EML6: variants seen among roughly 807,000 people sequenced by gnomAD.
EML6 encodes echinoderm microtubule-associated protein-like 6.
Under a neutral mutation model 240.1 loss-of-function variants are expected in EML6, and 154 were observed. The ratio of observed to expected loss-of-function variants is 0.64; its 90% CI spans 0.56 to 0.73. The LOEUF (loss-of-function observed/expected upper bound fraction) is 0.73. Ranked by LOEUF, EML6 falls within the 30% of genes least tolerant of loss-of-function variation. The probability of loss-of-function intolerance (pLI) is 0.00; values close to 1 mark genes in which losing one functional copy is unlikely to be tolerated. For synonymous variants in EML6, 1,148 were observed against 899.0 expected (o/e 1.28, Z -4.95); for missense variants, 2,964 against 2,474.6 (o/e 1.20, Z -4.20).
intron 11 of EML6, among the ~76,000 whole-genome samples, chr2:54,856,202 A>G (rs905606619): frequency 6.6e-6 from 1 of 152,206 alleles, no homozygotes; most frequent in Non-Finnish European, 1.5e-5. Flanking sequence ...AATAATTAGG[A>G]TCAATACTGA....
At chr2:54,743,707 T>C (rs1189537745) in intron 2 of EML6, among the ~76,000 whole-genome samples, 1 of 152,244 alleles carries the variant, frequency 6.6e-6, no homozygotes, top group African/African-American at 2.4e-5. Context: ...CTTGGTAAAA[T>C]ACTCTTGTGC....
chr2:54,961,238 A>C (rs974420116), intron 35 of EML6, among the ~76,000 whole-genome samples: 8 of 112,588 alleles, frequency 7.1e-5, no homozygotes. Context: ...CAGGGGGAGT[A>C]CTGTGGCATG....
At chr2:54,919,394 C>T (rs2104338856) in intron 26 of EML6, among the ~76,000 whole-genome samples, 2 of 152,282 alleles carry the variant, frequency 1.3e-5, no homozygotes, top group South Asian at 4.1e-4. Context: ...TAGCAGTTAC[C>T]TCTATGGCCA....
In EML6 at chr2:54,970,343, A is replaced by C. The variant is rs976862377; in HGVS notation, c.*248A>C. The C allele has an allele frequency of 5.3e-6, 3 of 566,472 alleles. No individual in the cohort carries two copies. Among genetic ancestry groups the C allele is most frequent in the Non-Finnish European group, 9.5e-6 (3 of 315,318 alleles). The allele number at this position is 566,472 out of a possible 1,614,324, so 35.1% of individuals were successfully genotyped here. A position where few individuals can be genotyped will look rare whatever the true frequency, so the allele number is the denominator to read the frequency against. ...ACTGCTTGCCTCTGTTCCTGAGACT[A>C]AACAGTATACATACTAACTACATTG... On this transcript the variant is annotated 3_prime_UTR_variant, in exon 42 of 42. Coordinates refer to ENST00000356458, the MANE Select transcript of EML6 (RefSeq NM_001039753.4).
At chr2:54,942,858 C>T (rs534234308) in intron 28 of EML6, among the ~76,000 whole-genome samples, 11 of 152,146 alleles carry the variant, frequency 7.2e-5, no homozygotes, top group Non-Finnish European at 1.5e-4. Flanking sequence ...TGCCTAGACA[C>T]CTTCATTTTT....
chr2:54,892,041 G>A (rs1002278586), intron 18 of EML6, among the ~76,000 whole-genome samples: 3 of 149,782 alleles, frequency 2.0e-5, no homozygotes, highest in African/African-American at 7.3e-5. Context: ...TTTTTGGTCA[G>A]CATTCATGAA....
rs1668661332 is a variant in EML6, at chr2:54,827,651, C to T, written c.611C>T (p.Ala204Val). The T allele has an allele frequency of 1.3e-6, 2 of 1,551,556 alleles. No homozygotes were observed. Among genetic ancestry groups the T allele is most frequent in the Non-Finnish European group, 1.7e-6 (2 of 1,146,868 alleles). Residue 204 changes from alanine to valine, a missense_variant, in exon 6 of 42, where the codon GCA (alanine) becomes GTA (valine). Coordinates refer to ENST00000356458, the MANE Select transcript of EML6 (RefSeq NM_001039753.4). Reference protein sequence around the residue: ...TGDLQTILCLACAKEDITYSG... With the variant: ...TGDLQTILCLVCAKEDITYSG... ...GATCTTCAGACCATCCTTTGCCTTG[C>T]ATGTGCCAAAGAAGACATCACCTAC...
chr2:54,879,653 C>A lies in EML6; in HGVS notation c.2438+13C>A. 2 of 1,450,564 alleles carry A rather than the reference C, an allele frequency of 1.4e-6. No homozygotes were observed. Among genetic ancestry groups the A allele is most frequent in the East Asian group, 2.5e-5 (1 of 40,428 alleles). The allele number at this position is 1,450,564 out of a possible 1,614,324, so 89.9% of individuals were successfully genotyped here. A position where few individuals can be genotyped will look rare whatever the true frequency, so the allele number is the denominator to read the frequency against. On this transcript the variant is annotated intron_variant, in intron 17 of 41. Transcript: ENST00000356458. ...TAGCCACAACAAGGTAAGAAGCTGCCGGGATCTTACGGTATCCTGCTGATA... is the reference window on the plus strand; with the variant it reads ...TAGCCACAACAAGGTAAGAAGCTGCAGGGATCTTACGGTATCCTGCTGATA...
Position 54,968,665 on chromosome 2 carries a change from C to A in EML6, c.5752-3C>A, listed in dbSNP as rs1469232104. 4 of 1,544,442 alleles carry A rather than the reference C, an allele frequency of 2.6e-6. No homozygotes were observed. The African/African-American group carries it at 5.5e-5, about 21-fold the overall frequency. On this transcript the variant is annotated splice_polypyrimidine_tract_variant and splice_region_variant and intron_variant, in intron 40 of 41. Transcript: ENST00000356458. Reference sequence around the variant, plus strand: ...AGCTGTCTCCATTCACTTTTGCTCACAGGCCAAACATAAGCGATACTTCGG... The same window carrying A: ...AGCTGTCTCCATTCACTTTTGCTCAAAGGCCAAACATAAGCGATACTTCGG...
intron 13 of EML6, among the ~76,000 whole-genome samples, chr2:54,864,168 A>G (rs1010254459): frequency 8.5e-5 from 13 of 152,180 alleles, no homozygotes; most frequent in African/African-American, 2.9e-4. Context: ...ACTTTAAAAT[A>G]TATTTTGAAG....
intron 36 of EML6, among the ~76,000 whole-genome samples, chr2:54,963,065 G>C (rs1676594002): frequency 7.2e-6 from 1 of 138,124 alleles, no homozygotes; most frequent in Non-Finnish European, 1.5e-5. Context: ...TAGAGCTTGG[G>C]AAGGCAATGT....
intron 26 of EML6, among the ~76,000 whole-genome samples, chr2:54,920,962 T>G (rs1175437455): frequency 6.6e-6 from 1 of 152,146 alleles, no homozygotes; most frequent in African/African-American, 2.4e-5. Flanking sequence ...CAACATCCTC[T>G]CATGATTAAA....
intron 26 of EML6, among the ~76,000 whole-genome samples, chr2:54,924,674 G>C (rs1379465911): frequency 1.3e-5 from 2 of 152,144 alleles, no homozygotes; most frequent in African/African-American, 4.8e-5. Context: ...TGATTCTCCT[G>C]CTTCAGCCTC....
chr2:54,898,286 A>G (rs887187706), intron 21 of EML6, among the ~76,000 whole-genome samples: 29 of 152,238 alleles, frequency 1.9e-4, no homozygotes, highest in African/African-American at 6.7e-4. Flanking sequence ...AGGAAATACA[A>G]TTTTGATGTC....
chr2:54,922,898 G>T (rs1187459500), intron 26 of EML6, among the ~76,000 whole-genome samples: 2 of 151,476 alleles, frequency 1.3e-5, no homozygotes, highest in African/African-American at 4.9e-5. Flanking sequence ...TGGAGAGTGG[G>T]TGGAAATGGG....
intron 28 of EML6, among the ~76,000 whole-genome samples, chr2:54,939,660 G>A (rs929592699): frequency 4.1e-4 from 63 of 152,136 alleles, no homozygotes; most frequent in Admixed American, 4.6e-4. Flanking sequence ...TCCCTGCAGT[G>A]CCCCTGCCTG....
In EML6 at chr2:54,967,054, G is replaced by A; in HGVS notation, c.5548G>A (p.Val1850Ile). Residue 1850 changes from valine to isoleucine, a missense_variant, in exon 39 of 42, where the codon GTA (valine) becomes ATA (isoleucine). By Grantham distance (29) the Val-to-Ile change is conservative. Transcript: ENST00000356458. ...GCATGAGGTCCCCCTGGGGAAGCAGGTAACTGAAGCCGTGGTCATTGAGAA... is the reference window on the plus strand; with the variant it reads ...GCATGAGGTCCCCCTGGGGAAGCAGATAACTGAAGCCGTGGTCATTGAGAA... ...QVHEVPLGKQ[V>I]TEAVVIEKIT... The A allele has an allele frequency of 6.4e-7, 1 of 1,551,514 alleles. No individual in the cohort carries two copies. The highest frequency in any genetic ancestry group is 1.2e-5 in the South Asian group (1 of 84,060).
At chr2:54,833,122 A>G (rs575887923) in intron 7 of EML6, among the ~76,000 whole-genome samples, 1 of 152,330 alleles carries the variant, frequency 6.6e-6, no homozygotes, top group African/African-American at 2.4e-5. Flanking sequence ...TGGTATGGGT[A>G]CTTTTCTATG....
At chr2:54,967,479 T>G (rs1300231222) in intron 39 of EML6, among the ~76,000 whole-genome samples, 3 of 152,152 alleles carry the variant, frequency 2.0e-5, no homozygotes, top group Non-Finnish European at 2.9e-5. Context: ...AAACAATGGC[T>G]AATTCATGGG....
Sources: allele counts gnomAD v4.1 joint callset (sites outside exome capture counted in the v4.1 genomes callset), GRCh38; gene constraint gnomAD v4.1.1; transcripts MANE v1.5; gene names NCBI Gene and HGNC (gene_info 2026-07-23, HGNC 2026-07-21).